CPNE4: variants seen among roughly 807,000 people sequenced by gnomAD.
CPNE4 encodes copine 4, also known as copine-4.
Under a neutral mutation model 67.9 loss-of-function variants are expected in CPNE4, and 25 were observed. The observed-to-expected ratio is 0.37, with a 90% CI of 0.27 to 0.51. The LOEUF (loss-of-function observed/expected upper bound fraction) is 0.51. CPNE4 is among the 20% of genes least tolerant of loss of function. CPNE4 has a pLI of 0.93. For missense variants in CPNE4, 464 were observed against 690.8 expected (o/e 0.67, Z 3.68); for synonymous variants, 242 against 244.9 (o/e 0.99, Z 0.11).
intron 7 of CPNE4, among the ~76,000 whole-genome samples, chr3:131,654,724 AAAG>A (rs970559357): frequency 3.5e-4 from 54 of 152,306 alleles, no homozygotes; most frequent in African/African-American, 1.3e-3. Flanking sequence ...AAATCCCAAC[AAAG>A]AAGGAGAGAG....
At chr3:131,896,812 C>T (rs2088357500) in intron 2 of CPNE4, among the ~76,000 whole-genome samples, 1 of 152,100 alleles carries the variant, frequency 6.6e-6, no homozygotes. Context: ...CAGGGACCAT[C>T]AGCACCATGA....
At chr3:132,001,603 GAAA>G (rs2073449737) in intron 1 of CPNE4, among the ~76,000 whole-genome samples, 1 of 148,980 alleles carries the variant, frequency 6.7e-6, no homozygotes, top group Non-Finnish European at 1.5e-5. Flanking sequence ...AAGAAAGAAA[GAAA>G]GAAAGAAAGA....
intron 1 of CPNE4, among the ~76,000 whole-genome samples, chr3:131,976,036 A>G (rs959609543): frequency 6.6e-6 from 1 of 151,702 alleles, no homozygotes; most frequent in African/African-American, 2.4e-5. Context: ...TTAAAAAAAA[A>G]CTATAGGACT....
At chr3:131,603,525 G>T (rs1391944731) in intron 7 of CPNE4, among the ~76,000 whole-genome samples, 1 of 152,118 alleles carries the variant, frequency 6.6e-6, no homozygotes, top group Non-Finnish European at 1.5e-5. Context: ...TAGAGTATCA[G>T]TAGGAAGTGA....
chr3:131,618,923 G>C (rs1940313526), intron 7 of CPNE4, among the ~76,000 whole-genome samples: 1 of 152,096 alleles, frequency 6.6e-6, no homozygotes, highest in African/African-American at 2.4e-5. Flanking sequence ...GTTAGTCTAG[G>C]GATATTGTGG....
Position 131,999,762 on chromosome 3 carries a change from T to G in CPNE4, c.-2+34805A>C, listed in dbSNP as rs149848936. Reference sequence around the variant, plus strand: ...TGTAAAATCCTTTAAACTTTTCACATTCAAATTTTTTTCATAGTAAAACTT... The same window carrying G: ...TGTAAAATCCTTTAAACTTTTCACAGTCAAATTTTTTTCATAGTAAAACTT... On this transcript the variant is annotated intron_variant, in intron 1 of 15. Transcript: ENST00000429747. Among the ~76,000 whole-genome samples, 4 of 152,120 alleles carry G rather than the reference T, an allele frequency of 2.6e-5. No homozygotes were observed. The East Asian group carries it at 7.7e-4, about 29-fold the overall frequency.
intron 10 of CPNE4, 71 bp from the exon 11 acceptor site, chr3:131,564,420 G>A (rs1312186725): frequency 1.4e-6 from 2 of 1,461,844 alleles, no homozygotes; most frequent in East Asian, 2.3e-5. Flanking sequence ...GATCAGTCAT[G>A]AGAGAGACCT....
At chr3:131,984,316 C>G (rs564381182) in intron 1 of CPNE4, among the ~76,000 whole-genome samples, 1 of 152,080 alleles carries the variant, frequency 6.6e-6, no homozygotes, top group Non-Finnish European at 1.5e-5. Flanking sequence ...ACAACAGTAC[C>G]GTTTCCCATT....
At chr3:132,010,564 T>C (rs2073732997) in intron 1 of CPNE4, among the ~76,000 whole-genome samples, 1 of 152,164 alleles carries the variant, frequency 6.6e-6, no homozygotes, top group Non-Finnish European at 1.5e-5. Flanking sequence ...TCAGCCTGGG[T>C]ATCTGGACAC....
At chr3:131,854,836 A>G (rs1379222119) in intron 2 of CPNE4, among the ~76,000 whole-genome samples, 3 of 137,928 alleles carry the variant, frequency 2.2e-5, no homozygotes, top group Non-Finnish European at 4.6e-5. Flanking sequence ...TTTCATTTCC[A>G]CTTCCTTTCC....
chr3:131,610,671 C>T (rs1270722712), intron 7 of CPNE4, among the ~76,000 whole-genome samples: 2 of 152,180 alleles, frequency 1.3e-5, no homozygotes, highest in African/African-American at 2.4e-5. Context: ...TCTCCTTCTC[C>T]TCTCTGGTCC....
At chr3:132,021,625 G>A (rs1454872617) in intron 1 of CPNE4, among the ~76,000 whole-genome samples, 4 of 152,178 alleles carry the variant, frequency 2.6e-5, no homozygotes, top group Non-Finnish European at 5.9e-5. Context: ...TGAAAAAAGT[G>A]TGCATACTGA....
chr3:131,937,075 A>T (rs973304727), intron 1 of CPNE4, among the ~76,000 whole-genome samples: 11 of 152,166 alleles, frequency 7.2e-5, no homozygotes, highest in Non-Finnish European at 1.2e-4. Flanking sequence ...ATCAGTTTCC[A>T]ATGAACAAAA....
At chr3:132,023,549 G>A (rs1454235224) in intron 1 of CPNE4, among the ~76,000 whole-genome samples, 3 of 140,854 alleles carry the variant, frequency 2.1e-5, no homozygotes, top group African/African-American at 5.4e-5. Flanking sequence ...GTGCAGTGGC[G>A]GGATCTCGGC....
At chr3:131,746,294 CTCTT>C in intron 2 of CPNE4, among the ~76,000 whole-genome samples, 1 of 152,096 alleles carries the variant, frequency 6.6e-6, no homozygotes, top group East Asian at 1.9e-4. Context: ...AAATCACTCT[CTCTT>C]AGGTATTTTG....
intron 1 of CPNE4, among the ~76,000 whole-genome samples, chr3:131,999,241 TAAAAAAA>T (rs79127364): frequency 1.4e-4 from 14 of 98,832 alleles, no homozygotes; most frequent in African/African-American, 2.7e-4. Flanking sequence ...TTATCCAAGG[TAAAAAAA>T]AAAAAAAAAA....
intron 1 of CPNE4, among the ~76,000 whole-genome samples, chr3:132,001,747 A>C (rs2073456503): frequency 6.6e-6 from 1 of 152,030 alleles, no homozygotes; most frequent in South Asian, 2.1e-4. Context: ...TTCTCTTTCT[A>C]TCCACCCCAC....
intron 2 of CPNE4, among the ~76,000 whole-genome samples, chr3:131,811,967 T>C (rs1045338271): frequency 2.6e-5 from 4 of 152,144 alleles, no homozygotes; most frequent in African/African-American, 7.2e-5. Flanking sequence ...AGAAGCACTA[T>C]TGCAGGGTAT....
chr3:131,547,687 A>G (rs1935947471), intron 14 of CPNE4, among the ~76,000 whole-genome samples: 1 of 152,016 alleles, frequency 6.6e-6, no homozygotes, highest in African/African-American at 2.4e-5. Context: ...ACAGTTTTAT[A>G]TATTCACTAT....
Sources: gnomAD v4.1 joint callset for allele counts (sites outside exome capture counted in the v4.1 genomes callset) on GRCh38, gnomAD v4.1.1 for gene constraint, MANE v1.5 for transcripts, NCBI Gene and HGNC (gene_info 2026-07-23, HGNC 2026-07-21) for gene names.